The following VWF variants were observed in gnomAD, a reference collection of about 807,000 sequenced individuals.
The protein encoded by VWF is von Willebrand factor.
A neutral mutation model predicts 308.6 loss-of-function variants in VWF; 176 were observed. The ratio of observed to expected loss-of-function variants is 0.57; its 90% CI spans 0.50 to 0.65. The LOEUF is 0.65. Among genes scored for constraint, VWF ranks in the 30% least tolerant of loss-of-function variants. The pLI, the probability that VWF is intolerant of heterozygous loss-of-function variation, is 0.00. For synonymous variants in VWF, 1,385 were observed against 1,443.4 expected, an observed-to-expected ratio of 0.96 and a Z score of 0.92; for missense variants, 3,146 against 3,648.2, an observed-to-expected ratio of 0.86 and a Z score of 3.55.
chr12:6,116,718 C>T (rs1370038882), intron 3 of VWF, among the ~76,000 whole-genome samples: 2 of 152,194 alleles, frequency 1.3e-5, no homozygotes, highest in African/African-American at 2.4e-5. Flanking sequence ...TGGCCTCGAA[C>T]CCTGGAGCCT....
Position 6,011,990 on chromosome 12 carries a change from C to G in VWF, c.5664+97G>C, listed in dbSNP as rs1000763949. The G allele has an allele frequency of 1.3e-5, 19 of 1,485,214 alleles. No homozygotes were observed. The Admixed American group carries it at 3.2e-4, about 25-fold the overall frequency. The allele number at this position is 1,485,214 out of a possible 1,614,324, so 92.0% of individuals were successfully genotyped here. A position where few individuals can be genotyped will look rare whatever the true frequency, so the allele number is the denominator to read the frequency against. Reference sequence around the variant, plus strand: ...AACAAGATAATAGTAAAAGGAAGCACTGGACTAAGACCAAAGGAGGAAAAA... The same window carrying G: ...AACAAGATAATAGTAAAAGGAAGCAGTGGACTAAGACCAAAGGAGGAAAAA... On this transcript the variant is annotated intron_variant, in intron 33 of 51. Transcript: ENST00000261405.
At chr12:6,082,786 T>C (rs796221009) in intron 6 of VWF, among the ~76,000 whole-genome samples, 34 of 152,374 alleles carry the variant, frequency 2.2e-4, no homozygotes, top group African/African-American at 7.9e-4. Context: ...TCATGCATCA[T>C]TCTTTGCTCA....
chr12:6,034,865 T>C, intron 19 of VWF, 39 bp from the exon 20 acceptor site: 2 of 1,611,106 alleles, frequency 1.2e-6, no homozygotes, highest in Admixed American at 1.7e-5. Flanking sequence ...GTTGGGCACC[T>C]TGGGTTTGAG....
intron 38 of VWF, among the ~76,000 whole-genome samples, chr12:5,990,656 A>ACCC (rs1368738454): frequency 1.3e-5 from 2 of 151,730 alleles, no homozygotes; most frequent in Non-Finnish European, 2.9e-5. Flanking sequence ...TTCTATCTCT[A>ACCC]CCACGGTCTG....
At chr12:6,009,206 C>A in intron 34 of VWF, among the ~76,000 whole-genome samples, 1 of 142,726 alleles carries the variant, frequency 7.0e-6, no homozygotes, top group South Asian at 2.3e-4. Flanking sequence ...GGTTAATATC[C>A]AAAATATATT....
rs1187357286 is a variant in VWF at position 6,056,902 on chromosome 12, C to T, written c.1900G>A (p.Ala634Thr). ...CACGCGACGCGCACGCCTCTCCCCGCGCAGGCCGCGGCATAGCTGGCCAGG... is the reference window on the plus strand; with the variant it reads ...CACGCGACGCGCACGCCTCTCCCCGTGCAGGCCGCGGCATAGCTGGCCAGG... ...GALASYAAAC[A>T]GRGVRVAWRE... The change falls in exon 15 of 52, where the codon GCG becomes ACG. Residue 634 changes from alanine to threonine, a missense_variant. By Grantham distance (58) the Ala-to-Thr change is moderately conservative. Transcript: ENST00000261405. 6.6e-7 allele frequency: 1 copy of T among 1,522,928 alleles called. No homozygotes were observed. Among genetic ancestry groups the T allele is most frequent in the Admixed American group, 2.0e-5 (1 of 50,034 alleles). 94.3% of individuals were successfully genotyped at this position (1,522,928 alleles called of 1,614,324 possible). A position where few individuals can be genotyped will look rare whatever the true frequency, so the allele number is the denominator to read the frequency against.
At chr12:6,090,112 C>T (rs1231228759) in intron 6 of VWF, among the ~76,000 whole-genome samples, 1 of 152,114 alleles carries the variant, frequency 6.6e-6, no homozygotes, top group African/African-American at 2.4e-5. Context: ...CACCTGCCAC[C>T]ACACCTGGCT....
chr12:6,031,396 G>A (rs1464980740), intron 21 of VWF, 48 bp downstream of exon 21: 2 of 1,613,938 alleles, frequency 1.2e-6, no homozygotes, highest in Non-Finnish European at 1.7e-6. Flanking sequence ...CTATTAAGTG[G>A]CAGAAGCACA....
intron 44 of VWF, 86 bp from the exon 45 acceptor site, chr12:5,969,477 G>C: frequency 6.5e-7 from 1 of 1,539,548 alleles, no homozygotes; most frequent in South Asian, 1.2e-5. Context: ...TCTCAGGAAG[G>C]TGGTTTCTAG....
intron 50 of VWF, among the ~76,000 whole-genome samples, chr12:5,951,588 A>T (rs982311416): frequency 6.6e-6 from 1 of 152,198 alleles, no homozygotes; most frequent in African/African-American, 2.4e-5. Flanking sequence ...TTGCAGGAAA[A>T]GGGGAAAGAG....
intron 3 of VWF, 77 bp downstream of exon 3, chr12:6,121,097 A>G (rs1026753801): frequency 1.9e-4 from 309 of 1,590,844 alleles, no homozygotes; most frequent in Non-Finnish European, 2.6e-4. Context: ...TCCTGAGAGC[A>G]GGAATCCTCC....
intron 8 of VWF, among the ~76,000 whole-genome samples, 182 bp downstream of exon 8, chr12:6,073,437 C>T (rs540037109): frequency 1.2e-4 from 18 of 152,290 alleles, no homozygotes; most frequent in Admixed American, 9.8e-4. Flanking sequence ...AACAGGACAA[C>T]GTACATTAAA....
intron 34 of VWF, among the ~76,000 whole-genome samples, chr12:5,999,291 C>A (rs749978549): frequency 6.6e-6 from 1 of 151,960 alleles, no homozygotes; most frequent in Admixed American, 6.6e-5. Flanking sequence ...TAAAAACACA[C>A]GCAATATTTG....
intron 5 of VWF, among the ~76,000 whole-genome samples, chr12:6,096,197 T>G (rs1479764893): frequency 1.3e-5 from 2 of 152,030 alleles, no homozygotes; most frequent in Non-Finnish European, 2.9e-5. Flanking sequence ...TGAAAGATGA[T>G]GAGGAAATGC....
In VWF at chr12:6,121,173, C is replaced by T; in HGVS notation, c.220+1G>A. 6.2e-7 allele frequency: 1 copy of T among 1,614,162 alleles called. No homozygotes were observed. The highest frequency in any genetic ancestry group is 8.5e-7 in the Non-Finnish European group (1 of 1,180,028). The stretch of plus-strand genomic sequence containing the variant: ...TCCTCCCTGCAGTGCCCAGAACTCA[C>T]CAATAATCGAGAAGGAGCGTTTCTG... On this transcript the variant is annotated splice_donor_variant, in intron 3 of 51. Transcript: ENST00000261405. LOFTEE classifies it high-confidence loss of function.
chr12:6,027,557 G>C (rs1198450476), intron 22 of VWF, among the ~76,000 whole-genome samples: 1 of 152,142 alleles, frequency 6.6e-6, no homozygotes, highest in Admixed American at 6.5e-5. Context: ...GAGTTCAAAA[G>C]GTGCTGTGAC....
chr12:6,121,088 C>G, intron 3 of VWF, 86 bp downstream of exon 3: 5 of 1,567,564 alleles, frequency 3.2e-6, no homozygotes, highest in Non-Finnish European at 4.4e-6. Flanking sequence ...CAGACACTGT[C>G]CTGAGAGCAG....
Position 6,121,348 on chromosome 12 carries a change from G to A in VWF, c.56-10C>T, listed in dbSNP as rs766632998. 1 of 1,613,638 alleles carries A rather than the reference G, an allele frequency of 6.2e-7. No individual in the cohort carries two copies. The highest frequency in any genetic ancestry group is 8.5e-7 in the Non-Finnish European group (1 of 1,179,854). ...TCTGCACAAAGGGTCCCTGGAGGGA[G>A]AGGCCACAGGTTGGGCTGGTGATCT... On this transcript the variant is annotated splice_polypyrimidine_tract_variant and intron_variant, in intron 2 of 51. Transcript: ENST00000261405.
At position 6,029,395 on chromosome 12, in the gene VWF, C is replaced by T. The variant is rs150418484; in HGVS notation, c.2914G>A (p.Val972Met). Residue 972 changes from valine to methionine, a missense_variant, in exon 22 of 52, where the codon GTG (valine) becomes ATG (methionine). Physicochemically the swap from Val to Met is conservative, Grantham distance 21. Around this residue, in one of 3 missense-constraint regions of VWF, gnomAD observed 1,304 missense variants for 1,353.0 expected, o/e 0.96. Coordinates refer to ENST00000261405, the MANE Select transcript of VWF (RefSeq NM_000552.5). Reference protein sequence around the residue: ...IILLLGKALSVVWDRHLSISV... With the variant: ...IILLLGKALSMVWDRHLSISV... ...ATGCTCAGGTGGCGGTCCCAGACCA[C>T]GGAGAGGGCTTTGCCCAGCAGCAGA... is the stretch of plus-strand genomic sequence containing the variant. 52 of 1,614,028 alleles carry T rather than the reference C, an allele frequency of 3.2e-5. No individual in the cohort carries two copies. Among genetic ancestry groups the T allele is most frequent in the Admixed American group, 8.3e-5 (5 of 60,000 alleles).
Sources: gnomAD v4.1 joint callset for allele counts (sites outside exome capture counted in the v4.1 genomes callset) on GRCh38, gnomAD v4.1.1 for gene constraint, gnomAD v4.1.1 regional missense constraint, MANE v1.5 for transcripts, NCBI Gene and HGNC (gene_info 2026-07-23, HGNC 2026-07-21) for gene names.